Variants in ADGRL2 observed in about 807,000 individuals in gnomAD.
ADGRL2 encodes calcium-independent alpha-latrotoxin receptor 2.
A neutral mutation model predicts 157.4 loss-of-function variants in ADGRL2; 44 were observed. The observed-to-expected ratio is 0.28, with a 90% CI of 0.22 to 0.36. The LOEUF is 0.36. ADGRL2 is among the 10% of genes least tolerant of loss of function. ADGRL2 has a pLI of 1.00. For missense variants in ADGRL2, 1,510 were observed against 1,768.9 expected, an observed-to-expected ratio of 0.85 and a Z score of 2.63; for synonymous variants, 585 against 624.7, an observed-to-expected ratio of 0.94 and a Z score of 0.95.
At chr1:81,796,278 C>T (rs1261688599), upstream of ADGRL2, among the ~76,000 whole-genome samples, 1 of 152,136 alleles carries the variant, frequency 6.6e-6, no homozygotes, top group Non-Finnish European at 1.5e-5. Context: ...CGTGAGCCAC[C>T]ACACACTGCA....
chr1:81,680,511 G>A (rs1294109001), intron 3 of ADGRL2, among the ~76,000 whole-genome samples: 1 of 152,010 alleles, frequency 6.6e-6, no homozygotes, highest in African/African-American at 2.4e-5. Context: ...CAACCATCAT[G>A]AGGCTGGCAT....
chr1:81,676,256 G>T (rs574899305), intron 3 of ADGRL2, among the ~76,000 whole-genome samples: 1 of 152,006 alleles, frequency 6.6e-6, no homozygotes, highest in Non-Finnish European at 1.5e-5. Flanking sequence ...TGATCTGCCC[G>T]CCTCGGCCTC....
At chr1:81,560,643 G>C (rs532644856) in intron 2 of ADGRL2, among the ~76,000 whole-genome samples, 15 of 152,188 alleles carry the variant, frequency 9.9e-5, no homozygotes, top group Admixed American at 2.6e-4. Context: ...TCTTATTATT[G>C]TTCAAATCAA....
At chr1:81,505,311 G>A (rs1005625521) in intron 2 of ADGRL2, among the ~76,000 whole-genome samples, 7 of 151,576 alleles carry the variant, frequency 4.6e-5, no homozygotes, top group African/African-American at 1.7e-4. Flanking sequence ...GTGCCAGTGA[G>A]GAGCCCAGTT....
intron 2 of ADGRL2, among the ~76,000 whole-genome samples, chr1:81,773,062 G>T (rs576229228): frequency 6.6e-5 from 10 of 152,276 alleles, no homozygotes; most frequent in African/African-American, 2.4e-4. Flanking sequence ...GGTGCTTATA[G>T]TGGGCAGTGG....
chr1:81,383,737 GGC>G, intron 1 of ADGRL2, among the ~76,000 whole-genome samples: 1 of 148,686 alleles, frequency 6.7e-6, no homozygotes, highest in Admixed American at 6.8e-5. Flanking sequence ...GGCCAAGGTG[GGC>G]AGATCACAAG....
chr1:81,617,698 G>A (rs1570651019), intron 3 of ADGRL2, among the ~76,000 whole-genome samples: 1 of 152,230 alleles, frequency 6.6e-6, no homozygotes, highest in African/African-American at 2.4e-5. Flanking sequence ...AATTGTACCA[G>A]GAAGACAGCG....
intron 1 of ADGRL2, among the ~76,000 whole-genome samples, chr1:81,759,370 C>T (rs1474313821): frequency 6.6e-6 from 1 of 152,034 alleles, no homozygotes; most frequent in African/African-American, 2.4e-5. Flanking sequence ...TATCTAAATA[C>T]AAATTTTAGC....
intron 1 of ADGRL2, among the ~76,000 whole-genome samples, chr1:81,829,081 T>G (rs539148568): frequency 2.6e-5 from 4 of 152,200 alleles, no homozygotes; most frequent in East Asian, 3.9e-4. Context: ...CTGGCTAATT[T>G]TTGTGTTTTT....
At chr1:81,313,665 G>T (rs865906635) in intron 1 of ADGRL2, among the ~76,000 whole-genome samples, 1 of 152,192 alleles carries the variant, frequency 6.6e-6, no homozygotes, top group Non-Finnish European at 1.5e-5. Context: ...TTCATTCTAA[G>T]AGGACTCTCC....
chr1:81,538,564 A>T (rs2079802565), intron 2 of ADGRL2, among the ~76,000 whole-genome samples: 1 of 152,224 alleles, frequency 6.6e-6, no homozygotes, highest in Admixed American at 6.5e-5. Context: ...TAGAGTAGTG[A>T]GATTCTTGCA....
At chr1:81,625,557 T>G (rs10874259) in intron 3 of ADGRL2, 1 of 152,000 alleles carries the variant, frequency 6.6e-6, no homozygotes, top group East Asian at 1.9e-4. Context: ...CAGTGGTGTT[T>G]TACTTACGGT....
chr1:81,592,874 G>A (rs895003530), intron 3 of ADGRL2, among the ~76,000 whole-genome samples: 2 of 152,034 alleles, frequency 1.3e-5, no homozygotes, highest in African/African-American at 4.8e-5. Context: ...TTGGCTGCCT[G>A]GGCGGGGGAA....
intron 3 of ADGRL2, among the ~76,000 whole-genome samples, chr1:81,631,881 C>T (rs187858252): frequency 1.3e-5 from 2 of 152,070 alleles, no homozygotes; most frequent in Admixed American, 1.3e-4. Context: ...AAATTTGGAA[C>T]GTTTTCCTTG....
At chr1:81,898,707 C>G (rs2094437234) in intron 2 of ADGRL2, among the ~76,000 whole-genome samples, 1 of 152,092 alleles carries the variant, frequency 6.6e-6, no homozygotes, top group Non-Finnish European at 1.5e-5. Context: ...GTTGGACTAT[C>G]AGTGACAACT....
chr1:81,521,194 C>T (rs2079306725), intron 2 of ADGRL2, among the ~76,000 whole-genome samples: 1 of 152,102 alleles, frequency 6.6e-6, no homozygotes, highest in African/African-American at 2.4e-5. Context: ...CTGATGAATC[C>T]ATATCTGTCT....
chr1:81,837,014 T>C lies in ADGRL2; in HGVS notation c.30T>C (p.Ser10=), dbSNP rs1195245789. ...TGTCTTCTGGTTGCAGAATGCGAAG[T>C]CTGTGGTTTATCATTGTAATCAGCT... MVSSGCRMR[S]LWFIIVISFL... is the part of the protein sequence containing the mutation. The change falls in exon 2 of 24, where the codon AGT becomes AGC. Residue 10 remains serine, a synonymous_variant. Transcript: ENST00000686636. The C allele has an allele frequency of 3.1e-6, 5 of 1,594,220 alleles. No homozygotes were observed. The highest frequency in any genetic ancestry group is 3.4e-6 in the Non-Finnish European group (4 of 1,171,904).
intron 16 of ADGRL2, among the ~76,000 whole-genome samples, chr1:81,971,133 GT>G (rs895451888): frequency 2.0e-5 from 3 of 152,058 alleles, no homozygotes; most frequent in African/African-American, 7.2e-5. Flanking sequence ...TTCCAATTCT[GT>G]TTATTTTTTT....
chr1:81,834,269 G>A (rs2092143507), intron 1 of ADGRL2, among the ~76,000 whole-genome samples: 1 of 152,144 alleles, frequency 6.6e-6, no homozygotes. Flanking sequence ...GGAATCATTT[G>A]AAGTAATCTT....
Sources: allele counts gnomAD v4.1 joint callset (sites outside exome capture counted in the v4.1 genomes callset), GRCh38; gene constraint gnomAD v4.1.1; transcripts MANE v1.5; gene names NCBI Gene and HGNC (gene_info 2026-07-23, HGNC 2026-07-21).